TBC1D19: variants seen among roughly 807,000 people sequenced by gnomAD.
TBC1D19 encodes the protein TBC1 domain family member 19.
In TBC1D19, 60 loss-of-function variants were observed where a neutral mutation model predicts 89.0. The observed-to-expected ratio is 0.67, with a 90% CI of 0.55 to 0.84. TBC1D19 has a LOEUF of 0.84. Among genes scored for constraint, TBC1D19 ranks in the 40% least tolerant of loss-of-function variants. The pLI is 0.00. For missense variants in TBC1D19, 500 were observed against 610.8 expected (o/e 0.82, Z 1.91); for synonymous variants, 189 against 199.7 (o/e 0.95, Z 0.45).
chr4:26,617,132 T>C (rs1209754869), intron 3 of TBC1D19, among the ~76,000 whole-genome samples: 1 of 152,196 alleles, frequency 6.6e-6, no homozygotes, highest in Non-Finnish European at 1.5e-5. Context: ...GGAAGTCCAA[T>C]ATCAAGGTGC....
At chr4:26,669,953 T>G (rs1007124893) in intron 9 of TBC1D19, among the ~76,000 whole-genome samples, 3 of 151,706 alleles carry the variant, frequency 2.0e-5, no homozygotes, top group Non-Finnish European at 4.4e-5. Context: ...TTTTGTGATG[T>G]GCTTATCAAG....
chr4:26,710,670 T>C (rs1471779107), intron 13 of TBC1D19, among the ~76,000 whole-genome samples: 1 of 152,190 alleles, frequency 6.6e-6, no homozygotes, highest in Non-Finnish European at 1.5e-5. Flanking sequence ...TGTTCCTATC[T>C]CCACATCCTC....
the TBC1D19 span, among the ~76,000 whole-genome samples, chr4:26,775,296 T>A: frequency 2.6e-4 from 39 of 152,016 alleles, no homozygotes; most frequent in African/African-American, 8.9e-4. Flanking sequence ...TACAAAACAT[T>A]TTTAAAAATT....
intron 17 of TBC1D19, among the ~76,000 whole-genome samples, chr4:26,742,286 C>T (rs994937904): frequency 4.6e-5 from 7 of 152,048 alleles, no homozygotes; most frequent in African/African-American, 1.7e-4. Flanking sequence ...AAGGGAGGCT[C>T]TTTAGCACAT....
At chr4:26,644,203 C>A (rs1223284540) in intron 7 of TBC1D19, among the ~76,000 whole-genome samples, 1 of 152,088 alleles carries the variant, frequency 6.6e-6, no homozygotes, top group East Asian at 1.9e-4. Flanking sequence ...AATCCAGCAG[C>A]ATATCAAAAA....
At chr4:26,823,548 T>C in the TBC1D19 span, among the ~76,000 whole-genome samples, 1 of 152,192 alleles carries the variant, frequency 6.6e-6, no homozygotes, top group Non-Finnish European at 1.5e-5. Flanking sequence ...AGCAATTTGC[T>C]ACCATGGGGA....
At position 26,601,484 on chromosome 4, in the gene TBC1D19, G is replaced by A. The variant is rs142128476; in HGVS notation, c.100-11685G>A. Among the ~76,000 whole-genome samples, 397 of 152,266 alleles carry A rather than the reference G, an allele frequency of 2.6e-3. 2 individuals are homozygous for A. Among genetic ancestry groups the A allele is most frequent in the South Asian group, 0.026 (124 of 4,828 alleles). On this transcript the variant is annotated intron_variant, in intron 1 of 20. Coordinates refer to ENST00000264866, the MANE Select transcript of TBC1D19 (RefSeq NM_018317.4). ...GAATAAGGTATAAATATACTGAGAG[G>A]AAATGGCTAGAGATTGGGGAAGTCT...
intron 7 of TBC1D19, among the ~76,000 whole-genome samples, chr4:26,657,134 G>A (rs1237772592): frequency 1.3e-5 from 2 of 150,386 alleles, no homozygotes. Flanking sequence ...TGTGCAGAAT[G>A]TGCAGTTTTG....
chr4:26,622,130 A>T (rs1742092034), intron 4 of TBC1D19, among the ~76,000 whole-genome samples: 1 of 152,056 alleles, frequency 6.6e-6, no homozygotes, highest in Non-Finnish European at 1.5e-5. Flanking sequence ...GCATTAGGAG[A>T]TATACCTGAT....
chr4:26,661,547 T>C (rs761453009), intron 8 of TBC1D19, among the ~76,000 whole-genome samples: 1 of 152,134 alleles, frequency 6.6e-6, no homozygotes, highest in Admixed American at 6.5e-5. Flanking sequence ...CCCCAGACTT[T>C]TGAATTCTTC....
chr4:26,637,532 T>C (rs1013834076), intron 5 of TBC1D19, among the ~76,000 whole-genome samples: 1 of 152,062 alleles, frequency 6.6e-6, no homozygotes, highest in Non-Finnish European at 1.5e-5. Context: ...CCACCAGGTC[T>C]GGCTAATTTT....
At chr4:26,699,324 C>T (rs1715105250) in intron 13 of TBC1D19, among the ~76,000 whole-genome samples, 1 of 152,188 alleles carries the variant, frequency 6.6e-6, no homozygotes, top group African/African-American at 2.4e-5. Flanking sequence ...TACCATCCCA[C>T]ACCAGTTAGA....
intron 3 of TBC1D19, 34 bp from the exon 4 acceptor site, chr4:26,620,579 T>C (rs1161691769): frequency 1.9e-6 from 3 of 1,567,132 alleles, no homozygotes; most frequent in Non-Finnish European, 2.6e-6. Context: ...AAGAGAATAA[T>C]GTGTGATATT....
At chr4:26,818,246 G>A in the TBC1D19 span, among the ~76,000 whole-genome samples, 1 of 151,958 alleles carries the variant, frequency 6.6e-6, no homozygotes, top group African/African-American at 2.4e-5. Flanking sequence ...ATTTATTTTT[G>A]AGACAGGGTC....
At chr4:26,739,779 T>C in intron 16 of TBC1D19, 85 bp from the exon 17 acceptor site, 1 of 773,256 alleles carries the variant, frequency 1.3e-6, no homozygotes, top group Admixed American at 3.2e-5. Context: ...TACTATAAAA[T>C]AGTGATTTAT....
intron 17 of TBC1D19, chr4:26,740,958 C>T (rs964444071): frequency 4.1e-6 from 4 of 985,150 alleles, no homozygotes; most frequent in Non-Finnish European, 4.8e-6. Context: ...GAAGCAACAC[C>T]AGTTATCCTG....
At chr4:26,849,205 C>T in the TBC1D19 span, among the ~76,000 whole-genome samples, 1 of 37,152 alleles carries the variant, frequency 2.7e-5, no homozygotes, top group East Asian at 7.7e-4. Context: ...CACACAAACA[C>T]ACACACACAC....
At chr4:26,709,755 A>G (rs1000857338) in intron 13 of TBC1D19, among the ~76,000 whole-genome samples, 6 of 152,048 alleles carry the variant, frequency 3.9e-5, no homozygotes, top group African/African-American at 1.4e-4. Flanking sequence ...TAAAATAATT[A>G]CAGCAGACAG....
intron 7 of TBC1D19, among the ~76,000 whole-genome samples, chr4:26,645,985 T>C (rs2109028508): frequency 6.7e-6 from 1 of 150,290 alleles, no homozygotes; most frequent in African/African-American, 2.4e-5. Flanking sequence ...TAGCCGGGCG[T>C]AGTGGCGGGC....
Sources: gnomAD v4.1 joint callset for allele counts (sites outside exome capture counted in the v4.1 genomes callset) on GRCh38, gnomAD v4.1.1 for gene constraint, MANE v1.5 for transcripts, NCBI Gene and HGNC (gene_info 2026-07-23, HGNC 2026-07-21) for gene names.